Variants in MAST2 observed in about 807,000 individuals in gnomAD.
The protein encoded by MAST2 is microtubule associated serine/threonine kinase 2, also known as microtubule-associated serine/threonine-protein kinase 2.
In MAST2, 70 loss-of-function variants were observed where a neutral mutation model predicts 147.4. The observed-to-expected ratio is 0.47, with a 90% CI of 0.39 to 0.58. The LOEUF is 0.58. MAST2 is among the 20% of genes least tolerant of loss of function. The pLI, the probability that MAST2 is intolerant of heterozygous loss-of-function variation, is 0.00. For synonymous variants in MAST2, 869 were observed against 896.8 expected (o/e 0.97, Z 0.55); for missense variants, 2,080 against 2,302.3 (o/e 0.90, Z 1.98).
At chr1:45,828,355 G>A (rs1033449446) in intron 2 of MAST2, among the ~76,000 whole-genome samples, 1 of 152,176 alleles carries the variant, frequency 6.6e-6, no homozygotes, top group Non-Finnish European at 1.5e-5. Context: ...TCATGATAAA[G>A]CCAGGGGAAA....
chr1:45,874,728 CAAGACTAAT>C (rs1646529052), intron 3 of MAST2, among the ~76,000 whole-genome samples: 1 of 152,118 alleles, frequency 6.6e-6, no homozygotes, highest in South Asian at 2.1e-4. Context: ...TCCTTGAGAG[CAAGACTAAT>C]TCCTACTCTC....
chr1:45,948,900 A>C (rs1658513553), intron 4 of MAST2, among the ~76,000 whole-genome samples: 1 of 151,982 alleles, frequency 6.6e-6, no homozygotes, highest in African/African-American at 2.4e-5. Flanking sequence ...CTATTTTAAA[A>C]ATCAGGGGTT....
chr1:45,929,739 CAG>C (rs1654976381), intron 4 of MAST2, among the ~76,000 whole-genome samples: 1 of 151,782 alleles, frequency 6.6e-6, no homozygotes, highest in African/African-American at 2.4e-5. Context: ...ATCCTTGACA[CAG>C]AAGAATTAAT....
chr1:45,841,569 TAG>T (rs779764228), intron 3 of MAST2, among the ~76,000 whole-genome samples: 8 of 152,134 alleles, frequency 5.3e-5, no homozygotes, highest in Admixed American at 6.5e-5. Flanking sequence ...GACTTTTTTG[TAG>T]AGACAGGATT....
intron 4 of MAST2, among the ~76,000 whole-genome samples, chr1:45,884,693 T>C (rs190066535): frequency 1.3e-5 from 2 of 152,350 alleles, no homozygotes; most frequent in East Asian, 3.9e-4. Flanking sequence ...TCTTCAGTTC[T>C]TTAATATAAA....
At chr1:45,823,522 G>A (rs1238450086) in intron 1 of MAST2, among the ~76,000 whole-genome samples, 1 of 151,936 alleles carries the variant, frequency 6.6e-6, no homozygotes, top group African/African-American at 2.4e-5. Flanking sequence ...TTTTAGTAGA[G>A]ACAGGGTTTC....
chr1:45,916,446 A>G (rs953010299), intron 4 of MAST2, among the ~76,000 whole-genome samples: 3 of 152,158 alleles, frequency 2.0e-5, no homozygotes, highest in Admixed American at 6.6e-5. Flanking sequence ...TTTTCAATCT[A>G]ATGATCTTAT....
chr1:45,844,601 C>T (rs1309080196), intron 3 of MAST2, among the ~76,000 whole-genome samples: 1 of 151,950 alleles, frequency 6.6e-6, no homozygotes, highest in Non-Finnish European at 1.5e-5. Context: ...TATTTTTAAA[C>T]TTTTTGTAGA....
At chr1:45,890,225 C>T (rs1417847875) in intron 4 of MAST2, among the ~76,000 whole-genome samples, 3 of 152,240 alleles carry the variant, frequency 2.0e-5, no homozygotes, top group Admixed American at 6.5e-5. Context: ...ATAGCTCTTA[C>T]ATCAGTTGTA....
At position 45,846,689 on chromosome 1, in the gene MAST2, G is replaced by C. The variant is rs12075580; in HGVS notation, c.468+17108G>C. Among the ~76,000 whole-genome samples the C allele has an allele frequency of 2.2e-3, 337 of 152,130 alleles. 2 individuals carry two copies. Among genetic ancestry groups the C allele is most frequent in the African/African-American group, 7.7e-3 (320 of 41,486 alleles). On this transcript the variant is annotated intron_variant, in intron 3 of 28. Coordinates refer to ENST00000361297, the MANE Select transcript of MAST2 (RefSeq NM_015112.3). ...ACACAAAACAAATTAGCTGGGCGTGGTGGCGGGTACCTGTAATCCTAGCTA... is the reference window on the plus strand; with the variant it reads ...ACACAAAACAAATTAGCTGGGCGTGCTGGCGGGTACCTGTAATCCTAGCTA...
intron 21 of MAST2, 93 bp downstream of exon 21, chr1:46,030,331 G>A: frequency 8.2e-7 from 1 of 1,220,968 alleles, no homozygotes. Context: ...GGCTCAGGGA[G>A]TTGGGGTTGG....
chr1:45,883,950 CT>C (rs1424586476), intron 4 of MAST2, among the ~76,000 whole-genome samples: 1 of 115,946 alleles, frequency 8.6e-6, no homozygotes, highest in Non-Finnish European at 1.6e-5. Context: ...TATTTGAAAA[CT>C]GCCTGAGATT....
Position 46,032,420 on chromosome 1 carries a change from C to A in MAST2, c.3414+16C>A, listed in dbSNP as rs760117132. ...TATGGTGTGGGTATGTCTGACCATC[C>A]AGACCTGCTGTCTCCCTGCTTCATC... On this transcript the variant is annotated intron_variant, in intron 25 of 28. Coordinates refer to ENST00000361297, the MANE Select transcript of MAST2 (RefSeq NM_015112.3). The A allele has an allele frequency of 6.2e-7, 1 of 1,612,612 alleles. No individual in the cohort carries two copies. The highest frequency in any genetic ancestry group is 1.1e-5 in the South Asian group (1 of 91,044).
At chr1:45,847,800 C>T (rs1385512850) in intron 3 of MAST2, among the ~76,000 whole-genome samples, 4 of 152,104 alleles carry the variant, frequency 2.6e-5, no homozygotes, top group Non-Finnish European at 4.4e-5. Flanking sequence ...GCCATCTCCC[C>T]GCCTCAGCTT....
At chr1:45,909,362 G>A (rs975862688) in intron 4 of MAST2, among the ~76,000 whole-genome samples, 50 of 152,106 alleles carry the variant, frequency 3.3e-4, no homozygotes, top group African/African-American at 1.1e-3. Context: ...CCATTTTAAC[G>A]TTACTTTTCA....
intron 12 of MAST2, among the ~76,000 whole-genome samples, 153 bp from the exon 13 acceptor site, chr1:46,022,757 A>G (rs1042875980): frequency 6.6e-6 from 1 of 152,214 alleles, no homozygotes; most frequent in Non-Finnish European, 1.5e-5. Flanking sequence ...CTGGGACTAC[A>G]TTGGGTATAG....
At chr1:45,927,103 T>G (rs1225679489) in intron 4 of MAST2, among the ~76,000 whole-genome samples, 1 of 152,092 alleles carries the variant, frequency 6.6e-6, no homozygotes, top group Non-Finnish European at 1.5e-5. Context: ...AAGTTTTTAT[T>G]AGGGATTTTC....
At chr1:45,858,139 T>G (rs1645854605) in intron 3 of MAST2, among the ~76,000 whole-genome samples, 1 of 152,168 alleles carries the variant, frequency 6.6e-6, no homozygotes, top group Non-Finnish European at 1.5e-5. Flanking sequence ...GTAATGGGAT[T>G]ACTGGGTCAA....
chr1:45,828,663 C>T (rs1644862276), intron 2 of MAST2, among the ~76,000 whole-genome samples: 1 of 152,202 alleles, frequency 6.6e-6, no homozygotes, highest in East Asian at 1.9e-4. Context: ...TGGCTCATGC[C>T]TGTAATCCCA....
Sources: gnomAD v4.1 joint callset for allele counts (sites outside exome capture counted in the v4.1 genomes callset) on GRCh38, gnomAD v4.1.1 for gene constraint, MANE v1.5 for transcripts, NCBI Gene and HGNC (gene_info 2026-07-23, HGNC 2026-07-21) for gene names.